LSAMP: variants seen among roughly 807,000 people sequenced by gnomAD.
LSAMP encodes the protein limbic system-associated membrane protein.
In LSAMP, 7 loss-of-function variants were observed where a neutral mutation model predicts 38.6. The ratio of observed to expected loss-of-function variants is 0.18; its 90% CI spans 0.10 to 0.34. LSAMP has a LOEUF of 0.34. Among genes scored for constraint, LSAMP ranks in the 10% least tolerant of loss-of-function variants. The pLI, the probability that LSAMP is intolerant of heterozygous loss-of-function variation, is 1.00. For synonymous variants in LSAMP, 154 were observed against 166.8 expected, an observed-to-expected ratio of 0.92 and a Z score of 0.59; for missense variants, 313 against 420.0, an observed-to-expected ratio of 0.75 and a Z score of 2.23.
At position 115,808,884 on chromosome 3, in the gene LSAMP, T is replaced by C. The variant is rs957073677; in HGVS notation, c.*1433A>G. On this transcript the variant is annotated 3_prime_UTR_variant, in exon 7 of 7. Coordinates refer to ENST00000490035, the MANE Select transcript of LSAMP (RefSeq NM_002338.5). The stretch of plus-strand genomic sequence containing the variant: ...AGCCTGGGCATCTGTTGACTTTTTC[T>C]GCCTTGCTCACTTTCACTGTATTTT... The C allele has an allele frequency of 6.6e-6, 1 of 152,238 alleles. No homozygotes were observed. Among genetic ancestry groups the C allele is most frequent in the African/African-American group, 2.4e-5 (1 of 41,472 alleles). The allele number at this position is 152,238 out of a possible 1,614,324, so 9.4% of individuals were successfully genotyped here. A position where few individuals can be genotyped will look rare whatever the true frequency, so the allele number is the denominator to read the frequency against.
intron 1 of LSAMP, among the ~76,000 whole-genome samples, chr3:116,225,269 G>A (rs1490746411): frequency 1.3e-5 from 2 of 152,134 alleles, no homozygotes; most frequent in Non-Finnish European, 2.9e-5. Context: ...TTTTATAAGA[G>A]AAGACACAAA....
intron 1 of LSAMP, among the ~76,000 whole-genome samples, chr3:116,187,298 G>A (rs1426770312): frequency 6.6e-6 from 1 of 152,160 alleles, no homozygotes; most frequent in Non-Finnish European, 1.5e-5. Context: ...CAATATCCAT[G>A]TGGGTATCTT....
chr3:116,105,050 G>C (rs1338864717), intron 1 of LSAMP, among the ~76,000 whole-genome samples: 4 of 152,136 alleles, frequency 2.6e-5, no homozygotes, highest in African/African-American at 9.7e-5. Context: ...GCAAGCACTA[G>C]CCTGGAAGAG....
At chr3:116,322,359 G>T (rs1284026773) in intron 1 of LSAMP, among the ~76,000 whole-genome samples, 1 of 152,082 alleles carries the variant, frequency 6.6e-6, no homozygotes, top group African/African-American at 2.4e-5. Context: ...ATGAAAATAG[G>T]CCTGCTTATT....
At chr3:116,326,731 T>C (rs2047778146) in intron 1 of LSAMP, among the ~76,000 whole-genome samples, 1 of 152,176 alleles carries the variant, frequency 6.6e-6, no homozygotes, top group African/African-American at 2.4e-5. Flanking sequence ...GAAAAATGTA[T>C]GTGAAAACAC....
At chr3:116,111,978 A>T (rs1265079845) in intron 1 of LSAMP, among the ~76,000 whole-genome samples, 3 of 152,202 alleles carry the variant, frequency 2.0e-5, no homozygotes, top group Non-Finnish European at 4.4e-5. Context: ...AGACAATAGA[A>T]GGTTTAGGTA....
intron 1 of LSAMP, among the ~76,000 whole-genome samples, chr3:116,174,023 C>G (rs1372889997): frequency 6.6e-6 from 1 of 151,934 alleles, no homozygotes; most frequent in African/African-American, 2.4e-5. Context: ...TTTTCCAAAT[C>G]AGAAAATGCC....
intron 3 of LSAMP, among the ~76,000 whole-genome samples, chr3:115,931,609 A>T (rs1039218594): frequency 1.3e-5 from 2 of 152,138 alleles, no homozygotes; most frequent in Admixed American, 6.6e-5. Flanking sequence ...CCTATCTTTA[A>T]AACTATGGAA....
intron 1 of LSAMP, among the ~76,000 whole-genome samples, chr3:116,405,533 AGAG>A (rs2048887580): frequency 6.6e-6 from 1 of 152,102 alleles, no homozygotes; most frequent in African/African-American, 2.4e-5. Context: ...AAATAGTTAA[AGAG>A]GAGATGTTGC....
chr3:116,229,989 T>G (rs2046385134), intron 1 of LSAMP, among the ~76,000 whole-genome samples: 2 of 152,168 alleles, frequency 1.3e-5, no homozygotes, highest in Non-Finnish European at 2.9e-5. Context: ...GAAGAATGAC[T>G]GAAAAATGAT....
intron 1 of LSAMP, among the ~76,000 whole-genome samples, chr3:116,245,091 G>T (rs903804909): frequency 2.6e-5 from 4 of 152,134 alleles, no homozygotes; most frequent in Admixed American, 1.3e-4. Context: ...GTCTAAAGAG[G>T]TAATTAAGTT....
intron 3 of LSAMP, among the ~76,000 whole-genome samples, chr3:115,914,869 T>C (rs1483604790): frequency 6.6e-6 from 1 of 152,228 alleles, no homozygotes; most frequent in Non-Finnish European, 1.5e-5. Flanking sequence ...TTTAGGATTC[T>C]TTTGCACTGC....
intron 3 of LSAMP, among the ~76,000 whole-genome samples, chr3:115,997,325 G>T (rs1460161373): frequency 6.6e-6 from 1 of 151,984 alleles, no homozygotes; most frequent in Admixed American, 6.6e-5. Flanking sequence ...TCCATTGTGG[G>T]ACTATGAGAC....
At chr3:116,325,555 G>GGA (rs2047759129) in intron 1 of LSAMP, among the ~76,000 whole-genome samples, 2 of 152,258 alleles carry the variant, frequency 1.3e-5, no homozygotes, top group Non-Finnish European at 2.9e-5. Flanking sequence ...ACTGGAGGTA[G>GGA]AACTTCCAAA....
intron 1 of LSAMP, among the ~76,000 whole-genome samples, chr3:116,092,403 GA>G (rs948838870): frequency 3.3e-5 from 5 of 151,798 alleles, no homozygotes; most frequent in South Asian, 2.1e-4. Flanking sequence ...GAAAAACTGT[GA>G]AAAAAAAGTA....
intron 1 of LSAMP, among the ~76,000 whole-genome samples, chr3:116,204,713 G>C (rs1258734877): frequency 6.6e-6 from 1 of 151,732 alleles, no homozygotes; most frequent in Non-Finnish European, 1.5e-5. Context: ...GATAGTTGTA[G>C]ATATGCAGCG....
intron 1 of LSAMP, among the ~76,000 whole-genome samples, chr3:116,182,380 T>C (rs1203817162): frequency 1.3e-5 from 2 of 151,004 alleles, no homozygotes; most frequent in Non-Finnish European, 1.5e-5. Flanking sequence ...ATTGAACTTA[T>C]ATATATATAG....
chr3:116,367,892 A>C (rs894497633), intron 1 of LSAMP: 4 of 152,110 alleles, frequency 2.6e-5, no homozygotes, highest in Admixed American at 2.6e-4. Context: ...TAACAGGAGC[A>C]ATGACACAAC....
chr3:115,973,370 C>T (rs1398897931), intron 3 of LSAMP, among the ~76,000 whole-genome samples: 2 of 152,144 alleles, frequency 1.3e-5, no homozygotes, highest in African/African-American at 4.8e-5. Flanking sequence ...GAATTTTTTT[C>T]AGATTTTGGA....
Sources: allele counts gnomAD v4.1 joint callset (sites outside exome capture counted in the v4.1 genomes callset), GRCh38; gene constraint gnomAD v4.1.1; transcripts MANE v1.5; gene names NCBI Gene and HGNC (gene_info 2026-07-23, HGNC 2026-07-21).